Variants in SAMMSON observed in about 807,000 individuals in gnomAD.
SAMMSON encodes the protein survival associated mitochondrial melanoma specific oncogenic non-coding RNA.
At chr3:70,008,850 CGTT>C (rs1258346537) in intron 1 of SAMMSON, among the ~76,000 whole-genome samples, 41 of 151,994 alleles carry the variant, frequency 2.7e-4, no homozygotes, top group Admixed American at 2.7e-3. Context: ...TAGCATGAAG[CGTT>C]GTTGAATTTT....
intron 4 of SAMMSON, among the ~76,000 whole-genome samples, chr3:70,117,979 G>T (rs6807288): frequency 0.28 from 41,831 of 151,792 alleles, 6,074 homozygotes; most frequent in East Asian, 0.51. Context: ...GTGCAGTGGC[G>T]CCATCTCGGC....
chr3:70,043,475 C>T (rs986517794), intron 3 of SAMMSON, among the ~76,000 whole-genome samples: 2 of 151,936 alleles, frequency 1.3e-5, no homozygotes, highest in African/African-American at 4.8e-5. Flanking sequence ...GTTAGAGACT[C>T]CTTTTTGTGT....
intron 4 of SAMMSON, among the ~76,000 whole-genome samples, chr3:70,140,815 A>G (rs368123233): frequency 2.0e-5 from 3 of 152,292 alleles, no homozygotes; most frequent in African/African-American, 7.2e-5. Flanking sequence ...CCATTGCCCA[A>G]TAACATGTTC....
intron 3 of SAMMSON, among the ~76,000 whole-genome samples, chr3:70,056,851 G>A (rs2067169776): frequency 6.6e-6 from 1 of 151,828 alleles, no homozygotes; most frequent in Admixed American, 6.6e-5. Context: ...TATGACAGGA[G>A]GCCATATTTT....
chr3:70,191,980 G>T (rs1259691131), intron 4 of SAMMSON, among the ~76,000 whole-genome samples: 1 of 141,714 alleles, frequency 7.1e-6, no homozygotes, highest in Non-Finnish European at 1.5e-5. Flanking sequence ...TTTTCTATAT[G>T]ATATTTTTTC....
At chr3:70,387,724 G>A (rs559472997) in intron 9 of SAMMSON, among the ~76,000 whole-genome samples, 1 of 152,004 alleles carries the variant, frequency 6.6e-6, no homozygotes, top group African/African-American at 2.4e-5. Context: ...GTTTTATCAA[G>A]GATTAAGTTT....
intron 4 of SAMMSON, among the ~76,000 whole-genome samples, chr3:70,132,970 C>T (rs947041953): frequency 2.0e-5 from 3 of 152,004 alleles, no homozygotes; most frequent in Non-Finnish European, 2.9e-5. Flanking sequence ...AATGGTCTCA[C>T]CTGTGAATAA....
intron 3 of SAMMSON, among the ~76,000 whole-genome samples, chr3:70,051,154 A>AG (rs2067144540): frequency 6.7e-6 from 1 of 148,246 alleles, no homozygotes; most frequent in Non-Finnish European, 1.5e-5. Context: ...AAAAAAAAAA[A>AG]AAAAAAGAAA....
chr3:70,058,763 G>A (rs1251802439), intron 3 of SAMMSON, among the ~76,000 whole-genome samples: 1 of 152,038 alleles, frequency 6.6e-6, no homozygotes, highest in Non-Finnish European at 1.5e-5. Context: ...CTACTTACCA[G>A]TGACTGTATA....
chr3:70,307,962 T>C (rs1265179473), intron 7 of SAMMSON, among the ~76,000 whole-genome samples: 1 of 152,238 alleles, frequency 6.6e-6, no homozygotes, highest in African/African-American at 2.4e-5. Flanking sequence ...TCTCTCCACC[T>C]GTGCAAAGAG....
In SAMMSON at chr3:70,167,522, A is replaced by G. The variant is rs181096647; in HGVS notation, n.508-81585A>G. 9.2e-4 allele frequency among the ~76,000 whole-genome samples: 140 copies of G among 152,050 alleles called. 1 individual carries two copies. Among genetic ancestry groups the G allele is most frequent in the Non-Finnish European group, 1.8e-3 (121 of 67,922 alleles). On this transcript the variant is annotated intron_variant and non_coding_transcript_variant, in intron 4 of 9. Coordinates refer to ENST00000642114, the Ensembl canonical transcript of SAMMSON. ...TATTTTGAGCAATACAGATCTAGTG[A>G]TTTTTATCACTAGAAGGGAAGGTGG... is the stretch of plus-strand genomic sequence containing the variant.
chr3:70,304,953 A>C (rs1702385643), intron 7 of SAMMSON, among the ~76,000 whole-genome samples: 1 of 151,490 alleles, frequency 6.6e-6, no homozygotes. Flanking sequence ...TCTGAGCTGT[A>C]CTATCTTTGC....
intron 8 of SAMMSON, among the ~76,000 whole-genome samples, chr3:70,357,267 G>C (rs1412174100): frequency 9.2e-5 from 14 of 152,110 alleles, no homozygotes; most frequent in Admixed American, 1.3e-4. Flanking sequence ...GTCTCAATGA[G>C]TGCTAATGTG....
chr3:70,300,278 C>T (rs1702334844), intron 7 of SAMMSON, among the ~76,000 whole-genome samples: 2 of 152,096 alleles, frequency 1.3e-5, no homozygotes, highest in African/African-American at 4.8e-5. Context: ...TAACATTTCT[C>T]CTTTATTTAA....
At chr3:70,149,497 C>A (rs1425495803) in intron 4 of SAMMSON, among the ~76,000 whole-genome samples, 1 of 152,044 alleles carries the variant, frequency 6.6e-6, no homozygotes, top group Non-Finnish European at 1.5e-5. Context: ...CCACCCCAGA[C>A]CTACTGAAGC....
At chr3:70,001,530 A>G (rs981628061) in intron 1 of SAMMSON, among the ~76,000 whole-genome samples, 2 of 152,018 alleles carry the variant, frequency 1.3e-5, no homozygotes, top group South Asian at 2.1e-4. Context: ...AAAAACATAA[A>G]TGGTGGTTTA....
intron 7 of SAMMSON, among the ~76,000 whole-genome samples, chr3:70,315,175 C>A (rs1702486863): frequency 6.6e-6 from 1 of 152,158 alleles, no homozygotes; most frequent in South Asian, 2.1e-4. Flanking sequence ...CTAATTTGGA[C>A]ATAATATTCA....
chr3:70,060,702 A>C (rs1043970378), intron 3 of SAMMSON, among the ~76,000 whole-genome samples: 1 of 152,140 alleles, frequency 6.6e-6, no homozygotes, highest in Non-Finnish European at 1.5e-5. Context: ...CCTACAATGC[A>C]CAGGACAGTC....
chr3:70,126,075 C>T, intron 4 of SAMMSON: 6 of 1,185,662 alleles, frequency 5.1e-6, no homozygotes, highest in East Asian at 2.5e-5. Context: ...GTACATAGAA[C>T]TTAGGCACGC....
Sources: gnomAD v4.1 joint callset for allele counts (sites outside exome capture counted in the v4.1 genomes callset) on GRCh38, gnomAD v4.1.1 for gene constraint, MANE v1.5 for transcripts, NCBI Gene and HGNC (gene_info 2026-07-23, HGNC 2026-07-21) for gene names.